Variants in SYNE1 observed in about 807,000 individuals in gnomAD.
SYNE1 encodes spectrin repeat containing nuclear envelope protein 1.
In SYNE1, 616 loss-of-function variants were observed where a neutral mutation model predicts 1,111.0. The ratio of observed to expected loss-of-function variants is 0.55; its 90% CI spans 0.52 to 0.59. The LOEUF (loss-of-function observed/expected upper bound fraction) is 0.59, where lower values mean the gene tolerates loss of function less well. SYNE1 is among the 20% of genes least tolerant of loss of function. The pLI is 0.00. For synonymous variants in SYNE1, 3,855 were observed against 3,825.8 expected, an observed-to-expected ratio of 1.01 and a Z score of -0.28; for missense variants, 10,006 against 10,417.0, an observed-to-expected ratio of 0.96 and a Z score of 1.72.
At chr6:152,575,104 G>T (rs1008238773) in intron 3 of SYNE1, among the ~76,000 whole-genome samples, 1 of 152,178 alleles carries the variant, frequency 6.6e-6, no homozygotes, top group African/African-American at 2.4e-5. Context: ...ACATGATGGT[G>T]GTGGGTACAG....
At chr6:152,511,685 A>G (rs1241009044) in intron 6 of SYNE1, 3 of 1,336,054 alleles carry the variant, frequency 2.2e-6, no homozygotes, top group African/African-American at 2.9e-5. Context: ...AGAGGTAGGT[A>G]GTCAGTTTAG....
Position 152,419,555 on chromosome 6 carries a change from A to G in SYNE1, c.5421+14T>C. On this transcript the variant is annotated intron_variant, in intron 40 of 145. Transcript: ENST00000367255. ...AATTCTTCTTCAATCTTAAAAAAAA[A>G]AAAACCACTTTACCTTATGCCGAGT... The G allele has an allele frequency of 6.3e-7, 1 of 1,599,718 alleles. No individual in the cohort carries two copies.
At chr6:152,199,030 C>A (rs2074829624) in intron 127 of SYNE1, among the ~76,000 whole-genome samples, 1 of 150,308 alleles carries the variant, frequency 6.7e-6, no homozygotes, top group Admixed American at 6.6e-5. Context: ...AACATAGGAT[C>A]TGTGAAACAC....
chr6:152,304,652 A>C (rs981031116), intron 91 of SYNE1, among the ~76,000 whole-genome samples: 4 of 152,138 alleles, frequency 2.6e-5, no homozygotes, highest in Non-Finnish European at 5.9e-5. Flanking sequence ...AAGTAGACAG[A>C]GTTAGTATTA....
chr6:152,564,837 G>T (rs992384041), intron 3 of SYNE1, among the ~76,000 whole-genome samples: 5 of 152,118 alleles, frequency 3.3e-5, no homozygotes, highest in Non-Finnish European at 1.5e-5. Context: ...TTCAAAAGGT[G>T]ACTTAGCCAC....
intron 3 of SYNE1, among the ~76,000 whole-genome samples, chr6:152,596,660 T>C (rs190967685): frequency 4.0e-4 from 61 of 152,282 alleles, no homozygotes; most frequent in Non-Finnish European, 8.4e-4. Context: ...TCAAGGTAAG[T>C]ATTGTACGTA....
intron 101 of SYNE1, among the ~76,000 whole-genome samples, chr6:152,259,810 G>C (rs187890847): frequency 2.0e-5 from 3 of 152,050 alleles, no homozygotes; most frequent in Non-Finnish European, 2.9e-5. Context: ...CAACCTATGA[G>C]GCACTTTGTA....
At chr6:152,585,949 T>C (rs2099537031) in intron 3 of SYNE1, among the ~76,000 whole-genome samples, 1 of 152,150 alleles carries the variant, frequency 6.6e-6, no homozygotes, top group South Asian at 2.1e-4. Flanking sequence ...GTGTGTGCTG[T>C]GTGAAATACA....
chr6:152,359,953 A>G (rs1292951842), intron 64 of SYNE1, among the ~76,000 whole-genome samples: 1 of 151,900 alleles, frequency 6.6e-6, no homozygotes, highest in Non-Finnish European at 1.5e-5. Context: ...CTCCTATTAT[A>G]CTGCGACATC....
At chr6:152,232,293 C>A in intron 112 of SYNE1, 28 bp from the exon 113 acceptor site, 3 of 1,613,246 alleles carry the variant, frequency 1.9e-6, no homozygotes, top group East Asian at 2.2e-5. Context: ...AGAACCAGTC[C>A]CAAGTGTTAA....
At position 152,321,319 on chromosome 6, in the gene SYNE1, G is replaced by A. The variant is rs747322064; in HGVS notation, c.16155C>T (p.Tyr5385=). Residue 5385 remains tyrosine, a synonymous_variant, in exon 84 of 146, where the codon TAC becomes TAT. Coordinates refer to ENST00000367255, the MANE Select transcript of SYNE1 (RefSeq NM_182961.4). ...EKMAEEQKEK[Y]LGLYTILPSE... is the part of the protein sequence containing the mutation. Reference sequence around the variant, plus strand: ...AAGGTAATATGGTATAAAGACCTAAGTACTTCTCCTTCTGTTCTTCTGCCA... The same window carrying A: ...AAGGTAATATGGTATAAAGACCTAAATACTTCTCCTTCTGTTCTTCTGCCA... 1 of 1,613,880 alleles carries A rather than the reference G, an allele frequency of 6.2e-7. No individual in the cohort carries two copies. Among genetic ancestry groups the A allele is most frequent in the Admixed American group, 1.7e-5 (1 of 60,004 alleles).
At chr6:152,178,509 C>G (rs2067050509) in intron 129 of SYNE1, among the ~76,000 whole-genome samples, 1 of 152,176 alleles carries the variant, frequency 6.6e-6, no homozygotes, top group Admixed American at 6.5e-5. Context: ...AAAGGCTTAT[C>G]TAATGGCAAA....
chr6:152,462,918 C>T (rs2098742833), intron 19 of SYNE1, 28 bp from the exon 20 acceptor site: 3 of 1,613,402 alleles, frequency 1.9e-6, no homozygotes, highest in Non-Finnish European at 2.5e-6. Context: ...GAGGGAACAT[C>T]GTGAAAGCCA....
At chr6:152,302,513 G>A (rs1251453013) in intron 91 of SYNE1, among the ~76,000 whole-genome samples, 1 of 152,186 alleles carries the variant, frequency 6.6e-6, no homozygotes, top group Non-Finnish European at 1.5e-5. Flanking sequence ...TTACCCTACT[G>A]AGTACATTCA....
intron 78 of SYNE1, 103 bp downstream of exon 78, chr6:152,329,627 G>T (rs978575928): frequency 4.8e-6 from 7 of 1,461,258 alleles, no homozygotes; most frequent in Non-Finnish European, 5.7e-6. Context: ...TATTTCGAAA[G>T]AAATATTTAA....
Position 152,472,424 on chromosome 6 carries a change from G to T in SYNE1, c.1351-11C>A. 6.2e-7 allele frequency: 1 copy of T among 1,602,046 alleles called. No individual in the cohort carries two copies. Among genetic ancestry groups the T allele is most frequent in the Non-Finnish European group, 8.5e-7 (1 of 1,170,210 alleles). On this transcript the variant is annotated splice_polypyrimidine_tract_variant and intron_variant, in intron 14 of 145. Coordinates refer to ENST00000367255, the MANE Select transcript of SYNE1 (RefSeq NM_182961.4). ...GTTTTGAAGCAGATCCTAAGATACAGTTTAAAAAAAAATAAAAAATGAAAA... is the reference window on the plus strand; with the variant it reads ...GTTTTGAAGCAGATCCTAAGATACATTTTAAAAAAAAATAAAAAATGAAAA...
intron 112 of SYNE1, among the ~76,000 whole-genome samples, chr6:152,233,261 C>T (rs12110479): frequency 0.19 from 29,083 of 152,052 alleles, 3,016 homozygotes; most frequent in African/African-American, 0.24. Flanking sequence ...CACATACCCA[C>T]ACCCACATAC....
intron 3 of SYNE1, among the ~76,000 whole-genome samples, chr6:152,605,020 GAGAGAGAGAGAGA>G: frequency 2.9e-5 from 2 of 69,104 alleles, no homozygotes; most frequent in African/African-American, 1.3e-4. Flanking sequence ...GAGAGAGAGA[GAGAGAGAGAGAGA>G]GAGGGAGGGA....
intron 10 of SYNE1, among the ~76,000 whole-genome samples, chr6:152,502,409 A>G (rs1237062479): frequency 6.6e-6 from 1 of 152,226 alleles, no homozygotes; most frequent in Non-Finnish European, 1.5e-5. Context: ...CCAGCATCAC[A>G]TACCTTACAT....
Sources: gnomAD v4.1 joint callset for allele counts (sites outside exome capture counted in the v4.1 genomes callset) on GRCh38, gnomAD v4.1.1 for gene constraint, MANE v1.5 for transcripts, NCBI Gene and HGNC (gene_info 2026-07-23, HGNC 2026-07-21) for gene names.